FOXP1: variants seen among roughly 807,000 people sequenced by gnomAD.
The protein encoded by FOXP1 is forkhead box P1, also known as forkhead box protein P1.
FOXP1 carries 15 observed loss-of-function variants against 98.2 expected under a neutral mutation model. The observed-to-expected ratio is 0.15, with a 90% confidence interval of 0.10 to 0.24. The LOEUF is 0.24. Among genes scored for constraint, FOXP1 ranks in the 10% least tolerant of loss-of-function variants. FOXP1 has a pLI of 1.00. For missense variants in FOXP1, 633 were observed against 848.5 expected (o/e 0.75, Z 3.15); for synonymous variants, 371 against 314.5 (o/e 1.18, Z -1.90).
At chr3:71,181,093 A>G (rs1156677983) in intron 6 of FOXP1, among the ~76,000 whole-genome samples, 4 of 152,320 alleles carry the variant, frequency 2.6e-5, no homozygotes, top group African/African-American at 7.2e-5. Context: ...TATCGCCTCA[A>G]TGAGGAAAGA....
intron 7 of FOXP1, among the ~76,000 whole-genome samples, chr3:71,084,906 A>G (rs2054861480): frequency 6.6e-6 from 1 of 152,146 alleles, no homozygotes; most frequent in African/African-American, 2.4e-5. Flanking sequence ...GGTGTTGGGT[A>G]CCTGTTAATC....
chr3:71,131,255 T>A (rs1048651400), intron 6 of FOXP1, among the ~76,000 whole-genome samples: 5 of 151,980 alleles, frequency 3.3e-5, no homozygotes, highest in African/African-American at 1.2e-4. Context: ...AATGGAACAC[T>A]CCTTAACCCG....
At chr3:71,294,787 C>T (rs2073118931) in intron 5 of FOXP1, among the ~76,000 whole-genome samples, 1 of 152,122 alleles carries the variant, frequency 6.6e-6, no homozygotes, top group African/African-American at 2.4e-5. Flanking sequence ...GCCTTATGAC[C>T]ACAATCTTAC....
rs1051395426 is a variant in FOXP1 at position 71,311,508 on chromosome 3, A to G, written c.-72-11628T>C. ...TGGAACAAAAACATTCCTGTATCTT[A>G]CTCCAGCTACTCTGTTCCTACTGTT... is the stretch of plus-strand genomic sequence containing the variant. On this transcript the variant is annotated intron_variant, in intron 4 of 20. Transcript: ENST00000649528. 2.0e-5 allele frequency among the ~76,000 whole-genome samples: 3 copies of G among 152,290 alleles called. No individual in the cohort carries two copies. The South Asian group carries it at 6.2e-4, about 32-fold the overall frequency.
At chr3:71,560,345 G>A (rs1341957942) in intron 2 of FOXP1, among the ~76,000 whole-genome samples, 1 of 152,162 alleles carries the variant, frequency 6.6e-6, no homozygotes, top group African/African-American at 2.4e-5. Flanking sequence ...ACACAACCAG[G>A]TATGGCACTG....
At chr3:71,400,776 AAG>A (rs2081907283) in intron 3 of FOXP1, among the ~76,000 whole-genome samples, 1 of 152,178 alleles carries the variant, frequency 6.6e-6, no homozygotes, top group Non-Finnish European at 1.5e-5. Flanking sequence ...TTGTTTTTAA[AAG>A]AGAACAATCT....
intron 5 of FOXP1, among the ~76,000 whole-genome samples, chr3:71,207,494 T>C (rs2064134650): frequency 6.6e-6 from 1 of 152,206 alleles, no homozygotes; most frequent in South Asian, 2.1e-4. Context: ...AATTATTTAA[T>C]TTTATCCTTC....
At chr3:71,318,368 G>A (rs1410502308) in intron 4 of FOXP1, among the ~76,000 whole-genome samples, 2 of 152,104 alleles carry the variant, frequency 1.3e-5, no homozygotes, top group Non-Finnish European at 2.9e-5. Context: ...CTGAATAAAC[G>A]AAAATAACAT....
At chr3:71,094,268 T>C (rs994103773) in intron 7 of FOXP1, among the ~76,000 whole-genome samples, 1 of 151,478 alleles carries the variant, frequency 6.6e-6, no homozygotes, top group Non-Finnish European at 1.5e-5. Flanking sequence ...AATTCCCTTT[T>C]TTTTCTTTTC....
intron 18 of FOXP1, chr3:70,971,524 T>C (rs1242117823): frequency 6.5e-6 from 1 of 153,742 alleles, no homozygotes; most frequent in African/African-American, 2.4e-5. Context: ...CAGTAGGCAA[T>C]TACCTACATT....
chr3:71,250,574 T>A (rs548302404), intron 5 of FOXP1, among the ~76,000 whole-genome samples: 9 of 152,330 alleles, frequency 5.9e-5, no homozygotes, highest in Non-Finnish European at 1.2e-4. Flanking sequence ...AGTACAAAAT[T>A]CTTCATATTC....
chr3:71,026,814 G>A (rs2046180637), intron 11 of FOXP1, among the ~76,000 whole-genome samples: 1 of 152,210 alleles, frequency 6.6e-6, no homozygotes, highest in Non-Finnish European at 1.5e-5. Flanking sequence ...ACGGAGCAGA[G>A]AATCAGAGCT....
intron 5 of FOXP1, among the ~76,000 whole-genome samples, chr3:71,234,058 T>C (rs1001029331): frequency 3.9e-5 from 6 of 152,038 alleles, no homozygotes; most frequent in Admixed American, 1.3e-4. Flanking sequence ...GACTGTTCAG[T>C]AGTGATGTTT....
chr3:71,191,051 C>G (rs2062948370), intron 6 of FOXP1, among the ~76,000 whole-genome samples: 1 of 152,174 alleles, frequency 6.6e-6, no homozygotes, highest in Admixed American at 6.5e-5. Context: ...CACCTTGTAA[C>G]CCTTTTTATC....
chr3:70,955,011 C>A lies in FOXP1; in HGVS notation c.*4236G>T, dbSNP rs905252896. The A allele has an allele frequency of 4.3e-5, 10 of 232,132 alleles. No individual in the cohort carries two copies. The highest frequency in any genetic ancestry group is 2.2e-4 in the African/African-American group (10 of 45,260). 14.4% of individuals were successfully genotyped at this position (232,132 alleles called of 1,614,324 possible). A position where few individuals can be genotyped will look rare whatever the true frequency, so the allele number is the denominator to read the frequency against. ...GAGATTGCGTGAGCTACACTGGGCC[C>A]AAGAAATGCCTTCAGCATTGTAAAT... On this transcript the variant is annotated 3_prime_UTR_variant, in exon 21 of 21. Transcript: ENST00000649528.
At chr3:71,261,547 T>C (rs2069138029) in intron 5 of FOXP1, among the ~76,000 whole-genome samples, 1 of 152,216 alleles carries the variant, frequency 6.6e-6, no homozygotes, top group South Asian at 2.1e-4. Context: ...ACAAGATTTT[T>C]TTTTCTTTTG....
At chr3:71,112,288 C>A (rs2058008089) in intron 7 of FOXP1, among the ~76,000 whole-genome samples, 1 of 152,166 alleles carries the variant, frequency 6.6e-6, no homozygotes, top group Admixed American at 6.5e-5. Context: ...CTATTAGCAA[C>A]TCAACACTTA....
chr3:71,374,237 A>G (rs1382497028), intron 3 of FOXP1, among the ~76,000 whole-genome samples: 1 of 152,230 alleles, frequency 6.6e-6, no homozygotes, highest in Non-Finnish European at 1.5e-5. Context: ...GTATTTCTGT[A>G]CATCTACTAT....
At chr3:71,199,110 C>CT (rs11441489) in intron 5 of FOXP1, among the ~76,000 whole-genome samples, 91,789 of 140,214 alleles carry the variant, frequency 0.65, 30,166 homozygotes, top group East Asian at 0.83. Context: ...TGGTATTACA[C>CT]TTTTTTTTTT....
Sources: gnomAD v4.1 joint callset for allele counts (sites outside exome capture counted in the v4.1 genomes callset) on GRCh38, gnomAD v4.1.1 for gene constraint, MANE v1.5 for transcripts, NCBI Gene and HGNC (gene_info 2026-07-23, HGNC 2026-07-21) for gene names.